HERC3: variants seen among roughly 807,000 people sequenced by gnomAD.
HERC3 encodes probable E3 ubiquitin-protein ligase HERC3.
HERC3 carries 58 observed loss-of-function variants against 129.9 expected under a neutral mutation model. The ratio of observed to expected loss-of-function variants is 0.45; its 90% CI spans 0.36 to 0.56. The LOEUF (loss-of-function observed/expected upper bound fraction) is 0.56, where lower values mean the gene tolerates loss of function less well. Ranked by LOEUF, HERC3 falls within the 20% of genes least tolerant of loss-of-function variation. The probability of loss-of-function intolerance (pLI) is 0.00; values close to 1 mark genes in which losing one functional copy is unlikely to be tolerated. For synonymous variants in HERC3, 430 were observed against 451.0 expected, an observed-to-expected ratio of 0.95 and a Z score of 0.59; for missense variants, 835 against 1,244.2, an observed-to-expected ratio of 0.67 and a Z score of 4.95.
At chr4:88,613,959 A>T (rs896063708) in intron 3 of HERC3, among the ~76,000 whole-genome samples, 4 of 151,702 alleles carry the variant, frequency 2.6e-5, no homozygotes, top group African/African-American at 7.3e-5. Context: ...ATTGATCGGA[A>T]TTTTTTTTCT....
chr4:88,671,097 A>T (rs1731568282), intron 16 of HERC3, among the ~76,000 whole-genome samples: 1 of 151,608 alleles, frequency 6.6e-6, no homozygotes, highest in South Asian at 2.1e-4. Context: ...CCTGCCTACC[A>T]CCTCTGGCGT....
chr4:88,532,053 T>C, the HERC3 span, among the ~76,000 whole-genome samples: 1 of 152,196 alleles, frequency 6.6e-6, no homozygotes, highest in African/African-American at 2.4e-5. Context: ...CTAGAACAAT[T>C]TCTTTTTCCT....
intron 11 of HERC3, among the ~76,000 whole-genome samples, chr4:88,662,812 T>C (rs2149289844): frequency 6.6e-6 from 1 of 152,304 alleles, no homozygotes; most frequent in Admixed American, 6.5e-5. Context: ...TTAAAAATCC[T>C]GACTGATGAA....
At chr4:88,555,175 C>T in the HERC3 span, among the ~76,000 whole-genome samples, 1 of 150,440 alleles carries the variant, frequency 6.6e-6, no homozygotes. Context: ...CCCAGCTACT[C>T]GGGAGGTTGA....
chr4:88,604,808 T>C (rs994404642), intron 2 of HERC3, among the ~76,000 whole-genome samples: 2 of 152,240 alleles, frequency 1.3e-5, no homozygotes, highest in Non-Finnish European at 2.9e-5. Flanking sequence ...ACATGGTATC[T>C]CTATGTTTAG....
the HERC3 span, among the ~76,000 whole-genome samples, chr4:88,537,433 A>T: frequency 0.45 from 69,125 of 151,952 alleles, 19,458 homozygotes; most frequent in African/African-American, 0.79. Flanking sequence ...GGTAATATAT[A>T]TTTTTAAGTT....
intron 3 of HERC3, among the ~76,000 whole-genome samples, chr4:88,610,320 G>A (rs1171146040): frequency 2.0e-5 from 3 of 152,052 alleles, no homozygotes; most frequent in Non-Finnish European, 2.9e-5. Flanking sequence ...GGGCATGGTG[G>A]CGCGTGCCTG....
Position 88,697,383 on chromosome 4 carries a change from G to A in HERC3, c.2658-6715G>A, listed in dbSNP as rs376673779. The stretch of plus-strand genomic sequence containing the variant: ...TCCATGCACACCCCTCCATCTCGCC[G>A]GTGAGCTCTTGGATCTTGGCGAGTA... On this transcript the variant is annotated intron_variant, in intron 23 of 25. Coordinates refer to ENST00000402738, the MANE Select transcript of HERC3 (RefSeq NM_014606.3). 3.5e-5 allele frequency: 56 copies of A among 1,613,744 alleles called. No homozygotes were observed. The Middle Eastern group carries it at 6.6e-4, about 19-fold the overall frequency.
chr4:88,621,641 CA>C (rs1578184743), intron 3 of HERC3, among the ~76,000 whole-genome samples: 2 of 152,268 alleles, frequency 1.3e-5, no homozygotes, highest in East Asian at 3.9e-4. Context: ...TAGTGATCTG[CA>C]TGTCTTACAT....
chr4:88,697,335 C>T (rs201095744), intron 23 of HERC3: 14 of 1,605,220 alleles, frequency 8.7e-6, no homozygotes, highest in Non-Finnish European at 6.8e-6. Context: ...ACTCCTCTTC[C>T]TCCTCCTCCT....
chr4:88,654,176 T>C (rs909722512), intron 7 of HERC3, 43 bp downstream of exon 7: 40 of 1,330,760 alleles, frequency 3.0e-5, no homozygotes, highest in Non-Finnish European at 3.9e-5. Context: ...GGGGATATGA[T>C]GGGTGATTAG....
the HERC3 span, among the ~76,000 whole-genome samples, chr4:88,557,429 CA>C: frequency 2.6e-4 from 39 of 152,252 alleles, no homozygotes; most frequent in East Asian, 3.5e-3. Flanking sequence ...CTCAGGTTTT[CA>C]TGAATCATCT....
the HERC3 span, among the ~76,000 whole-genome samples, chr4:88,540,519 T>G: frequency 6.6e-6 from 1 of 152,128 alleles, no homozygotes; most frequent in Admixed American, 6.5e-5. Flanking sequence ...TAGAAAACAC[T>G]CTTCAGGATA....
chr4:88,587,077 A>G, the HERC3 span, among the ~76,000 whole-genome samples: 1 of 152,212 alleles, frequency 6.6e-6, no homozygotes, highest in Admixed American at 6.5e-5. Flanking sequence ...ACAATGGCAG[A>G]TTTCACTGGG....
intron 23 of HERC3, chr4:88,697,852 A>G (rs1578344028): frequency 1.6e-5 from 23 of 1,478,454 alleles, no homozygotes; most frequent in Non-Finnish European, 2.1e-5. Context: ...AGTGGCGGTG[A>G]CGTGCGGCCG....
upstream of HERC3, among the ~76,000 whole-genome samples, chr4:88,591,607 C>A (rs966363750): frequency 6.6e-6 from 1 of 152,114 alleles, no homozygotes; most frequent in Non-Finnish European, 1.5e-5. Context: ...GGGGCAGACA[C>A]ATGAAGTCAC....
chr4:88,626,739 C>T (rs149841710), intron 3 of HERC3, among the ~76,000 whole-genome samples: 2,415 of 152,218 alleles, frequency 0.016, 58 homozygotes, highest in African/African-American at 0.055. Flanking sequence ...CCCTTATCCT[C>T]TTAGTGTCTG....
At chr4:88,627,508 A>T (rs76856770) in intron 3 of HERC3, among the ~76,000 whole-genome samples, 5 of 152,210 alleles carry the variant, frequency 3.3e-5, no homozygotes, top group Admixed American at 3.3e-4. Context: ...TATATAAGGA[A>T]TTTGAGCATC....
At chr4:88,644,265 C>T (rs967857548) in intron 3 of HERC3, among the ~76,000 whole-genome samples, 1 of 151,998 alleles carries the variant, frequency 6.6e-6, no homozygotes, top group Non-Finnish European at 1.5e-5. Flanking sequence ...TACCACATAA[C>T]CTAGCAATCT....
Sources: allele counts gnomAD v4.1 joint callset (sites outside exome capture counted in the v4.1 genomes callset), GRCh38; gene constraint gnomAD v4.1.1; transcripts MANE v1.5; gene names NCBI Gene and HGNC (gene_info 2026-07-23, HGNC 2026-07-21).